ZNF44: variants seen among roughly 807,000 people sequenced by gnomAD.
ZNF44 encodes zinc finger protein 44, also known as gonadotropin inducible transcription repressor-2.
Under a neutral mutation model 11.7 loss-of-function variants are expected in ZNF44, and 9 were observed. The observed-to-expected ratio is 0.77, with a 90% CI of 0.46 to 1.35. The LOEUF (loss-of-function observed/expected upper bound fraction) is 1.35, where lower values mean the gene tolerates loss of function less well. ZNF44 is among the 40% of genes most tolerant of loss of function. The pLI, the probability that ZNF44 is intolerant of heterozygous loss-of-function variation, is 0.00. For missense variants in ZNF44, 696 were observed against 743.1 expected (o/e 0.94, Z 0.74); for synonymous variants, 224 against 242.7 (o/e 0.92, Z 0.72).
intron 3 of ZNF44, 33 bp downstream of exon 3, chr19:12,274,940 G>C: frequency 6.6e-7 from 1 of 1,505,872 alleles, no homozygotes; most frequent in Non-Finnish European, 9.1e-7. Context: ...AACACTGCAA[G>C]GACATCACCT....
At chr19:12,288,689 C>G (rs8105436) in intron 1 of ZNF44, among the ~76,000 whole-genome samples, 2 of 144,878 alleles carry the variant, frequency 1.4e-5, no homozygotes, top group African/African-American at 2.6e-5. Flanking sequence ...TGGAGGGAGG[C>G]GGAGGTTGCA....
chr19:12,291,541 T>C (rs563943418), intron 1 of ZNF44, among the ~76,000 whole-genome samples: 6 of 150,248 alleles, frequency 4.0e-5, no homozygotes, highest in African/African-American at 1.5e-4. Flanking sequence ...CTACCAAAAA[T>C]ACAAAAATTA....
chr19:12,276,168 G>T (rs1294853286), intron 1 of ZNF44, 86 bp from the exon 2 acceptor site: 4 of 1,541,216 alleles, frequency 2.6e-6, no homozygotes, highest in Non-Finnish European at 2.7e-6. Flanking sequence ...TTCCCATGAT[G>T]CTGTGGTTTC....
At chr19:12,248,397 T>G (rs897441103) in exon 8 of ZNF44, 3 of 1,290,930 alleles carry the variant, frequency 2.3e-6, no homozygotes, top group African/African-American at 3.0e-5. Flanking sequence ...TCTTTTATGT[T>G]TTTTAAAAGA....
At chr19:12,248,132 ATTCCT>A (rs1470537465) in exon 8 of ZNF44, 5 of 1,303,444 alleles carry the variant, frequency 3.8e-6, no homozygotes, top group East Asian at 5.4e-5. Flanking sequence ...GTACAGTGTG[ATTCCT>A]TTCATGTGCT....
chr19:12,286,357 C>T (rs1008547824), intron 1 of ZNF44, among the ~76,000 whole-genome samples: 3 of 152,118 alleles, frequency 2.0e-5, no homozygotes, highest in African/African-American at 4.8e-5. Flanking sequence ...CATTGGAGGC[C>T]GGGCGCGGTG....
chr19:12,261,361 C>T (rs150255340), intron 5 of ZNF44, among the ~76,000 whole-genome samples: 252 of 152,344 alleles, frequency 1.7e-3, no homozygotes, highest in African/African-American at 5.7e-3. Flanking sequence ...CATAGTGGCT[C>T]TGGTGGCTCA....
At position 12,294,504 on chromosome 19, in the gene ZNF44, C is replaced by T. The variant is rs3745659; in HGVS notation, c.3+188G>A. ...CAGCTCAGGGACGGGACAGGACGCCCGGGGTCCCGGCTGCCGGCCCAGCCC... is the reference window on the plus strand; with the variant it reads ...CAGCTCAGGGACGGGACAGGACGCCTGGGGTCCCGGCTGCCGGCCCAGCCC... On this transcript the variant is annotated intron_variant, in intron 1 of 3. Coordinates refer to ENST00000355684, the MANE Select transcript of ZNF44 (RefSeq NM_016264.4). Among the ~76,000 whole-genome samples, 6 of 152,322 alleles carry T rather than the reference C, an allele frequency of 3.9e-5. No homozygotes were observed. The East Asian group carries it at 9.7e-4, about 25-fold the overall frequency.
At chr19:12,260,001 C>T in intron 5 of ZNF44, 1 of 391,646 alleles carries the variant, frequency 2.6e-6, no homozygotes, top group South Asian at 2.1e-5. Context: ...AATGACCAAC[C>T]TCTGACAGTG....
At position 12,266,149 on chromosome 19, in the gene ZNF44, G is replaced by A. The variant is rs181354386; in HGVS notation, c.1912+6338C>T. ...CCTGCGGCCAAGGGGACCGAGGGCC[G>A]AGCTGTGCCATGGGGACTAGAGCCC... is the stretch of plus-strand genomic sequence containing the variant. On this transcript the variant is annotated intron_variant and NMD_transcript_variant, in intron 5 of 7. Transcript: ENST00000393337. 10 of 657,528 alleles carry A rather than the reference G, an allele frequency of 1.5e-5. No individual in the cohort carries two copies. In the South Asian group the frequency reaches 2.0e-4, roughly 13 times the overall value. The allele number at this position is 657,528 out of a possible 1,614,324, so 40.7% of individuals were successfully genotyped here.
chr19:12,231,251 G>C (rs1916152903), intron 2 of ZNF44, among the ~76,000 whole-genome samples: 1 of 152,104 alleles, frequency 6.6e-6, no homozygotes, highest in African/African-American at 2.4e-5. Flanking sequence ...TGGTTTGTGA[G>C]TATGGTGCAC....
chr19:12,271,037 G>GTGATGATGATGATGA (rs112180662), downstream of ZNF44, among the ~76,000 whole-genome samples: 2 of 151,172 alleles, frequency 1.3e-5, no homozygotes, highest in African/African-American at 4.9e-5. Flanking sequence ...TCCTCTACAA[G>GTGATGATGATGATGA]TGATGATGAT....
intron 2 of ZNF44, among the ~76,000 whole-genome samples, chr19:12,233,618 G>T: frequency 6.9e-6 from 1 of 144,260 alleles, no homozygotes; most frequent in South Asian, 2.2e-4. Context: ...AAATTTAATC[G>T]AAAAATACTT....
intron 1 of ZNF44, among the ~76,000 whole-genome samples, chr19:12,292,865 T>TG (rs1555745603): frequency 2.5e-5 from 3 of 121,410 alleles, no homozygotes; most frequent in African/African-American, 1.2e-4. Context: ...GTTTTTTTTT[T>TG]TTTTTTTTTT....
At chr19:12,252,423 T>C (rs1917046473) in intron 5 of ZNF44, among the ~76,000 whole-genome samples, 1 of 152,166 alleles carries the variant, frequency 6.6e-6, no homozygotes, top group Non-Finnish European at 1.5e-5. Context: ...AATGTTAAAT[T>C]CACCAGAAAG....
chr19:12,235,601 A>C (rs898760568), intron 1 of ZNF44, among the ~76,000 whole-genome samples: 1 of 152,244 alleles, frequency 6.6e-6, no homozygotes, highest in Non-Finnish European at 1.5e-5. Flanking sequence ...AAATGTATAA[A>C]AAGAATTATA....
In ZNF44 at chr19:12,284,983, G is replaced by A. The variant is rs115690789; in HGVS notation, c.4-8901C>T. The A allele has an allele frequency of 5.8e-3, 4,150 of 718,932 alleles. 39 individuals are homozygous for A. The highest frequency in any genetic ancestry group is 0.031 in the African/African-American group (1,775 of 57,700). 44.5% of individuals were successfully genotyped at this position (718,932 alleles called of 1,614,324 possible). On this transcript the variant is annotated intron_variant, in intron 1 of 3. Coordinates refer to ENST00000355684, the MANE Select transcript of ZNF44 (RefSeq NM_016264.4). ...ATCAGTGACTGATACACCTCAGCCC[G>A]GGGCTGCACTGCCATCCTGGGCAAC...
At chr19:12,289,178 A>G (rs985572198) in intron 1 of ZNF44, among the ~76,000 whole-genome samples, 1 of 151,972 alleles carries the variant, frequency 6.6e-6, no homozygotes, top group African/African-American at 2.4e-5. Context: ...ATGGGGTTGT[A>G]TACCTGTAGT....
chr19:12,239,862 C>T (rs531139935), upstream of ZNF44, among the ~76,000 whole-genome samples: 2 of 151,846 alleles, frequency 1.3e-5, no homozygotes, highest in East Asian at 1.9e-4. Context: ...TGTGAGCTAC[C>T]GTGCCCAGCC....
Sources: gnomAD v4.1 joint callset for allele counts (sites outside exome capture counted in the v4.1 genomes callset) on GRCh38, gnomAD v4.1.1 for gene constraint, MANE v1.5 for transcripts, NCBI Gene and HGNC (gene_info 2026-07-23, HGNC 2026-07-21) for gene names.